CACNA2D1: variants seen among roughly 807,000 people sequenced by gnomAD.
CACNA2D1 encodes the protein calcium voltage-gated channel auxiliary subunit alpha2delta 1, also known as voltage-dependent calcium channel subunit alpha-2/delta-1.
In CACNA2D1, 53 loss-of-function variants were observed where a neutral mutation model predicts 171.5. The observed-to-expected ratio is 0.31, with a 90% CI of 0.25 to 0.39. The LOEUF is 0.39. Ranked by LOEUF, CACNA2D1 falls within the 10% of genes least tolerant of loss-of-function variation. CACNA2D1 has a pLI of 1.00. For missense variants in CACNA2D1, 903 were observed against 1,299.8 expected, an observed-to-expected ratio of 0.69 and a Z score of 4.69; for synonymous variants, 442 against 443.1, an observed-to-expected ratio of 1.00 and a Z score of 0.03.
chr7:81,965,509 T>C, intron 32 of CACNA2D1, 85 bp downstream of exon 32: 1 of 799,388 alleles, frequency 1.3e-6, no homozygotes, highest in Non-Finnish European at 2.3e-6. Context: ...CTCATCGATT[T>C]CTAAAACACT....
At chr7:82,084,942 A>G (rs1311844329) in intron 6 of CACNA2D1, 42 bp from the exon 7 acceptor site, 1 of 1,468,802 alleles carries the variant, frequency 6.8e-7, no homozygotes, top group Non-Finnish European at 9.5e-7. Flanking sequence ...TCAAATTTGT[A>G]ATTAAAAACT....
At chr7:82,156,309 C>G (rs1794367149) in intron 4 of CACNA2D1, among the ~76,000 whole-genome samples, 1 of 152,042 alleles carries the variant, frequency 6.6e-6, no homozygotes, top group African/African-American at 2.4e-5. Context: ...CTCTAGCTTT[C>G]TATTTACTTT....
At chr7:82,082,089 A>T (rs756709759) in intron 7 of CACNA2D1, among the ~76,000 whole-genome samples, 42 of 152,158 alleles carry the variant, frequency 2.8e-4, no homozygotes, top group Non-Finnish European at 5.0e-4. Context: ...TCTGCAGCCT[A>T]ATGGATGGTG....
In CACNA2D1 at chr7:82,065,297, G is replaced by A. The variant is rs902986688; in HGVS notation, c.729-943C>T. 1.3e-5 allele frequency among the ~76,000 whole-genome samples: 2 copies of A among 152,102 alleles called. 1 individual carries two copies. Among genetic ancestry groups the A allele is most frequent in the Middle Eastern group, 6.4e-3 (2 of 314 alleles). On this transcript the variant is annotated intron_variant, in intron 8 of 38. Coordinates refer to ENST00000356860, the MANE Select transcript of CACNA2D1 (RefSeq NM_000722.4). ...AAGGTAAAGTGGCAGAGTGGCAGGT[G>A]AATTTTCATGGACAGCAAACCTGGC...
chr7:82,081,622 T>A (rs1220367140), intron 7 of CACNA2D1, among the ~76,000 whole-genome samples: 1 of 152,178 alleles, frequency 6.6e-6, no homozygotes, highest in Non-Finnish European at 1.5e-5. Context: ...GTATTGTGAG[T>A]GGGCACATGG....
intron 3 of CACNA2D1, among the ~76,000 whole-genome samples, chr7:82,277,425 C>A (rs1316428614): frequency 6.6e-6 from 1 of 152,152 alleles, no homozygotes; most frequent in Non-Finnish European, 1.5e-5. Context: ...TGGTCTCGAA[C>A]TCCTGACCTT....
At chr7:81,959,161 A>G (rs1793795103) in intron 38 of CACNA2D1, 114 bp downstream of exon 38, 6 of 769,214 alleles carry the variant, frequency 7.8e-6, no homozygotes, top group African/African-American at 1.7e-5. Context: ...TTAATGAGAA[A>G]AACTATGGTT....
intron 4 of CACNA2D1, among the ~76,000 whole-genome samples, chr7:82,160,506 T>C (rs1794838772): frequency 6.6e-6 from 1 of 152,098 alleles, no homozygotes; most frequent in African/African-American, 2.4e-5. Context: ...AATAATTTAA[T>C]AAGATTTGGG....
chr7:82,025,795 T>C (rs1216437581), intron 12 of CACNA2D1, among the ~76,000 whole-genome samples: 1 of 151,738 alleles, frequency 6.6e-6, no homozygotes, highest in Non-Finnish European at 1.5e-5. Flanking sequence ...TCTGTTTAAG[T>C]CTATTTGGTT....
At chr7:82,025,603 CTA>C (rs1801789197) in intron 12 of CACNA2D1, among the ~76,000 whole-genome samples, 1 of 151,602 alleles carries the variant, frequency 6.6e-6, no homozygotes, top group African/African-American at 2.4e-5. Context: ...CAAAAGGAGA[CTA>C]TTTATTTCTG....
chr7:82,063,572 T>TC (rs200087723), intron 9 of CACNA2D1, among the ~76,000 whole-genome samples: 2,659 of 151,644 alleles, frequency 0.018, 78 homozygotes, highest in African/African-American at 0.059. Context: ...TTTTTTTTTT[T>TC]CCTCAGGGAA....
chr7:82,183,147 C>A (rs1222521140), intron 3 of CACNA2D1, among the ~76,000 whole-genome samples: 5 of 151,646 alleles, frequency 3.3e-5, no homozygotes, highest in Non-Finnish European at 7.4e-5. Flanking sequence ...CAGTAAGGAC[C>A]ATCACTTTTC....
chr7:82,192,058 A>C (rs546901945), intron 3 of CACNA2D1, among the ~76,000 whole-genome samples: 1 of 151,904 alleles, frequency 6.6e-6, no homozygotes, highest in South Asian at 2.1e-4. Context: ...ACTCTTCTCT[A>C]TCCCTCTTTA....
chr7:81,972,993 T>C (rs1296680894), intron 25 of CACNA2D1, among the ~76,000 whole-genome samples: 1 of 152,048 alleles, frequency 6.6e-6, no homozygotes, highest in African/African-American at 2.4e-5. Flanking sequence ...ACAGTTCATT[T>C]GGAAAGTAAA....
chr7:82,412,433 C>A (rs1349151428), intron 1 of CACNA2D1, among the ~76,000 whole-genome samples: 2 of 151,972 alleles, frequency 1.3e-5, no homozygotes, highest in African/African-American at 4.8e-5. Flanking sequence ...CAGGCACGGG[C>A]CACTAGCCCA....
intron 1 of CACNA2D1, among the ~76,000 whole-genome samples, chr7:82,440,887 T>C (rs1038783401): frequency 5.3e-5 from 8 of 151,992 alleles, no homozygotes; most frequent in African/African-American, 1.9e-4. Context: ...TAATTAATTT[T>C]ATAGTGTGTG....
At chr7:82,314,809 C>T (rs562920392) in intron 3 of CACNA2D1, among the ~76,000 whole-genome samples, 21 of 151,874 alleles carry the variant, frequency 1.4e-4, no homozygotes, top group African/African-American at 4.8e-4. Flanking sequence ...TAAACTTATC[C>T]GTCATTATGC....
At chr7:82,154,715 G>C (rs979024955) in intron 4 of CACNA2D1, among the ~76,000 whole-genome samples, 11 of 152,126 alleles carry the variant, frequency 7.2e-5, no homozygotes, top group Non-Finnish European at 1.0e-4. Flanking sequence ...GCCATATTCT[G>C]TTTTCAGATT....
At position 82,097,546 on chromosome 7, in the gene CACNA2D1, T is replaced by G. The variant is rs1157796847; in HGVS notation, c.527-12646A>C. ...ATGGTTTTCTGACTTGGGTTCTTAG[T>G]GTTATTAACAAAGATATGAACATTG... On this transcript the variant is annotated intron_variant, in intron 6 of 38. Transcript: ENST00000356860. Among the ~76,000 whole-genome samples the G allele has an allele frequency of 2.0e-5, 3 of 152,150 alleles. No individual in the cohort carries two copies. In the East Asian group the frequency reaches 5.8e-4, roughly 29 times the overall value.
Sources: allele counts gnomAD v4.1 joint callset (sites outside exome capture counted in the v4.1 genomes callset), GRCh38; gene constraint gnomAD v4.1.1; transcripts MANE v1.5; gene names NCBI Gene and HGNC (gene_info 2026-07-23, HGNC 2026-07-21).